The following NEXMIF variants were observed in gnomAD, a reference collection of about 807,000 sequenced individuals.
The protein encoded by NEXMIF is neurite extension and migration factor, also known as XLMR protein related to neurite extension.
A neutral mutation model predicts 62.1 loss-of-function variants in NEXMIF; 8 were observed. The observed-to-expected ratio is 0.13, with a 90% CI of 0.08 to 0.23. The LOEUF is 0.23. Among genes scored for constraint, NEXMIF ranks in the 10% least tolerant of loss-of-function variants. The pLI, the probability that NEXMIF is intolerant of heterozygous loss-of-function variation, is 1.00. For synonymous variants in NEXMIF, 404 were observed against 416.6 expected (o/e 0.97, Z 0.37); for missense variants, 976 against 1,113.3 (o/e 0.88, Z 1.75).
At chrX:74,805,100 T>A (rs1440563624) in intron 1 of NEXMIF, among the ~76,000 whole-genome samples, 2 of 112,524 alleles carry the variant, frequency 1.8e-5, no homozygotes, top group Non-Finnish European at 3.7e-5. Context: ...TCATGCCCCA[T>A]GGCTGCTGCC....
At position 74,736,853 on chromosome X, in the gene NEXMIF, G is replaced by A. The variant is rs41310631; in HGVS notation, c.*2552C>T. On this transcript the variant is annotated 3_prime_UTR_variant, in exon 4 of 4. Transcript: ENST00000055682. ...TACTTTAAAATAACAATTCTCTTTG[G>A]AGAAAGGGATGAACTATGCCCTAGA... The A allele has an allele frequency of 0.017, 1,929 of 111,779 alleles. 23 individuals are homozygous for A. Among genetic ancestry groups the A allele is most frequent in the Middle Eastern group, 0.06 (13 of 218 alleles). The allele number at this position is 111,779 out of a possible 1,213,427, so 9.2% of individuals were successfully genotyped here.
At chrX:74,772,857 A>T (rs982538204) in intron 1 of NEXMIF, among the ~76,000 whole-genome samples, 4 of 111,811 alleles carry the variant, frequency 3.6e-5, no homozygotes, top group East Asian at 2.8e-4. Flanking sequence ...TCAAATTTTT[A>T]AAAAGGCCCC....
At chrX:74,918,412 C>G (rs1032352478) in intron 1 of NEXMIF, among the ~76,000 whole-genome samples, 1 of 111,836 alleles carries the variant, frequency 8.9e-6, no homozygotes, top group African/African-American at 3.3e-5. Flanking sequence ...TGTTCCTATT[C>G]AAGCAATTTG....
intron 1 of NEXMIF, among the ~76,000 whole-genome samples, chrX:74,769,424 T>A (rs1365714735): frequency 8.9e-6 from 1 of 111,844 alleles, no homozygotes; most frequent in African/African-American, 3.3e-5. Flanking sequence ...ATGAACCTGC[T>A]ACAGTGCCAA....
At chrX:74,917,719 C>CA (rs1363690143) in intron 1 of NEXMIF, among the ~76,000 whole-genome samples, 2 of 111,495 alleles carry the variant, frequency 1.8e-5, no homozygotes, top group African/African-American at 3.3e-5. Context: ...CCACATTTGT[C>CA]AGAACCTTGG....
At chrX:74,747,790 AT>A (rs142978452) in intron 1 of NEXMIF, among the ~76,000 whole-genome samples, 1 of 110,886 alleles carries the variant, frequency 9.0e-6, no homozygotes, top group Non-Finnish European at 1.9e-5. Flanking sequence ...TAATTTTTGT[AT>A]TTTTAGTAGA....
At chrX:74,872,869 A>G (rs1264901380) in intron 1 of NEXMIF, among the ~76,000 whole-genome samples, 1 of 110,254 alleles carries the variant, frequency 9.1e-6, no homozygotes, top group African/African-American at 3.3e-5. Flanking sequence ...GAGTAGAAAA[A>G]TACCTGTCAC....
At chrX:74,884,761 T>A in intron 1 of NEXMIF, among the ~76,000 whole-genome samples, 1 of 111,059 alleles carries the variant, frequency 9.0e-6, no homozygotes, top group East Asian at 2.8e-4. Context: ...AACAAGGATA[T>A]CCAGGAATTG....
Position 74,847,584 on chromosome X carries a change from C to T in NEXMIF, c.-48+77299G>A, listed in dbSNP as rs895202975. On this transcript the variant is annotated intron_variant, in intron 1 of 3. Transcript: ENST00000055682. ...AAATAATGTAAGTTTCCTAAAGTAGCCAATTTGGAAAGGGACAGCATGAAT... is the reference window on the plus strand; with the variant it reads ...AAATAATGTAAGTTTCCTAAAGTAGTCAATTTGGAAAGGGACAGCATGAAT... Among the ~76,000 whole-genome samples, 3 of 111,296 alleles carry T rather than the reference C, an allele frequency of 2.7e-5. No homozygotes were observed. The Admixed American group carries it at 2.9e-4, about 11-fold the overall frequency.
intron 1 of NEXMIF, among the ~76,000 whole-genome samples, chrX:74,873,982 A>G (rs1317780141): frequency 8.1e-5 from 9 of 110,942 alleles, no homozygotes; most frequent in Non-Finnish European, 1.5e-4. Context: ...GCTGTGCAGA[A>G]GCTCTTTGGT....
chrX:74,760,755 T>G (rs1238119962), intron 1 of NEXMIF, among the ~76,000 whole-genome samples: 1 of 111,528 alleles, frequency 9.0e-6, no homozygotes, highest in Non-Finnish European at 1.9e-5. Context: ...CATGGTGTAT[T>G]AGCTTTTTGA....
At chrX:74,817,708 C>A (rs2080380482) in intron 1 of NEXMIF, among the ~76,000 whole-genome samples, 1 of 111,432 alleles carries the variant, frequency 9.0e-6, no homozygotes, top group African/African-American at 3.3e-5. Flanking sequence ...AATCATGCCA[C>A]CTTCCCCTAG....
intron 1 of NEXMIF, among the ~76,000 whole-genome samples, chrX:74,804,932 C>A (rs965524690): frequency 1.8e-5 from 2 of 112,023 alleles, no homozygotes; most frequent in Non-Finnish European, 3.8e-5. Flanking sequence ...ACTAGATGTG[C>A]GATTCCCCTC....
chrX:74,832,773 G>A (rs774647239), intron 1 of NEXMIF, among the ~76,000 whole-genome samples: 5 of 111,069 alleles, frequency 4.5e-5, no homozygotes, highest in African/African-American at 6.5e-5. Context: ...TTCCCTCTGA[G>A]TACTGTTTTC....
chrX:74,876,411 G>A (rs1454414443), intron 1 of NEXMIF, among the ~76,000 whole-genome samples: 3 of 111,409 alleles, frequency 2.7e-5, no homozygotes, highest in Non-Finnish European at 5.6e-5. Context: ...TTGCTTCCAA[G>A]TATATGGTCA....
chrX:74,757,820 G>A (rs5981689), intron 1 of NEXMIF, among the ~76,000 whole-genome samples: 3,936 of 111,086 alleles, frequency 0.035, 179 homozygotes, highest in African/African-American at 0.12. Context: ...TTCTCTGAGC[G>A]GTGGGGGTTA....
chrX:74,826,127 T>C (rs2080416071), intron 1 of NEXMIF, among the ~76,000 whole-genome samples: 1 of 112,612 alleles, frequency 8.9e-6, no homozygotes, highest in Non-Finnish European at 1.9e-5. Flanking sequence ...TAATTTACAC[T>C]CCTAACAACA....
rs193011970 is a variant in NEXMIF at position 74,784,079 on chromosome X, G to A, written c.-47-38382C>T. Among the ~76,000 whole-genome samples, 21 of 111,598 alleles carry A rather than the reference G, an allele frequency of 1.9e-4. No individual in the cohort carries two copies. In the East Asian group the frequency reaches 2.3e-3, roughly 12 times the overall value. Reference sequence around the variant, plus strand: ...CTAGTGCAGTATTTAGCTCAAAATCGTATTTCAATAGTATTTAGGTTCACA... The same window carrying A: ...CTAGTGCAGTATTTAGCTCAAAATCATATTTCAATAGTATTTAGGTTCACA... On this transcript the variant is annotated intron_variant, in intron 1 of 3. Coordinates refer to ENST00000055682, the MANE Select transcript of NEXMIF (RefSeq NM_001008537.3).
chrX:74,871,857 ACAAT>A (rs1347057916), intron 1 of NEXMIF, among the ~76,000 whole-genome samples: 1 of 111,482 alleles, frequency 9.0e-6, no homozygotes, highest in Non-Finnish European at 1.9e-5. Context: ...CCCTTGTTTC[ACAAT>A]CAGATTTCAT....
Sources: allele counts gnomAD v4.1 joint callset (sites outside exome capture counted in the v4.1 genomes callset), GRCh38; gene constraint gnomAD v4.1.1; transcripts MANE v1.5; gene names NCBI Gene and HGNC (gene_info 2026-07-23, HGNC 2026-07-21).